MBNL2: variants seen among roughly 807,000 people sequenced by gnomAD.
The protein encoded by MBNL2 is muscleblind-like protein 2.
A neutral mutation model predicts 41.9 loss-of-function variants in MBNL2; 17 were observed. The observed-to-expected ratio is 0.41, with a 90% CI of 0.28 to 0.61. The LOEUF (loss-of-function observed/expected upper bound fraction) is 0.61. Ranked by LOEUF, MBNL2 falls within the 20% of genes least tolerant of loss-of-function variation. The probability of loss-of-function intolerance (pLI) is 0.35; values close to 1 mark genes in which losing one functional copy is unlikely to be tolerated. For synonymous variants in MBNL2, 195 were observed against 182.9 expected, an observed-to-expected ratio of 1.07 and a Z score of -0.53; for missense variants, 336 against 505.6, an observed-to-expected ratio of 0.66 and a Z score of 3.22.
chr13:97,268,507 T>G lies in MBNL2; in HGVS notation c.-604-7125T>G, dbSNP rs2050295583. ...AAGATCTGGGCATTGAGGCTCACGG[T>G]GTGCATCCCTGGGGCAGCTCCCAGC... On this transcript the variant is annotated intron_variant, in intron 1 of 8. Coordinates refer to ENST00000679496, the MANE Select transcript of MBNL2 (RefSeq NM_001382683.1). The surrounding 1 kb of genome is among the most constrained non-coding windows in gnomAD (Gnocchi z 4.6). 6.6e-6 allele frequency among the ~76,000 whole-genome samples: 1 copy of G among 152,142 alleles called. No homozygotes were observed. Among genetic ancestry groups the G allele is most frequent in the Non-Finnish European group, 1.5e-5 (1 of 68,028 alleles).
At position 97,287,924 on chromosome 13, in the gene MBNL2, TTTTTGTTTTGTTTTG is replaced by T. The variant is rs1299734801; in HGVS notation, c.174+11520_174+11534del. On this transcript the variant is annotated intron_variant, in intron 2 of 8. Transcript: ENST00000679496. Reference sequence around the variant, plus strand: ...CAGGCCCGGCTAATTTTCTGTTTTTTTTTTGTTTTGTTTTGTTTTTTTTTTTTTTAGTAGAGATGG... The same window carrying T: ...CAGGCCCGGCTAATTTTCTGTTTTTTTTTTTTTTTTTTTTAGTAGAGATGG... 3.0e-4 allele frequency among the ~76,000 whole-genome samples: 36 copies of T among 121,606 alleles called. 2 individuals are homozygous for T. The highest frequency in any genetic ancestry group is 1.1e-3 in the African/African-American group (36 of 32,462). 79.8% of individuals were successfully genotyped at this position (121,606 alleles called of 152,430 possible).
chr13:97,321,475 A>C (rs2059498844), intron 2 of MBNL2, among the ~76,000 whole-genome samples: 2 of 152,350 alleles, frequency 1.3e-5, no homozygotes, highest in African/African-American at 4.8e-5. Context: ...AAAGTCACTC[A>C]TTCTGTTTTA....
intron 8 of MBNL2, among the ~76,000 whole-genome samples, chr13:97,369,924 G>T (rs966864836): frequency 6.6e-6 from 1 of 152,070 alleles, no homozygotes; most frequent in African/African-American, 2.4e-5. Context: ...TTCAGTTAAG[G>T]TATTTGGGCC....
chr13:97,216,939 A>C (rs2040420202), upstream of MBNL2, among the ~76,000 whole-genome samples: 1 of 149,468 alleles, frequency 6.7e-6, no homozygotes. Flanking sequence ...TATAATGTAT[A>C]ATATGCATAT....
intron 2 of MBNL2, among the ~76,000 whole-genome samples, chr13:97,300,818 C>T (rs1432438722): frequency 6.6e-6 from 1 of 152,178 alleles, no homozygotes; most frequent in Non-Finnish European, 1.5e-5. Context: ...AGGAATTATA[C>T]CTGTAACTGG....
the MBNL2 span, among the ~76,000 whole-genome samples, chr13:97,187,976 C>A: frequency 6.6e-6 from 1 of 151,876 alleles, no homozygotes; most frequent in East Asian, 1.9e-4. Context: ...ATTGATGTAG[C>A]CCTTGATTTG....
chr13:97,142,885 A>C, the MBNL2 span, among the ~76,000 whole-genome samples: 1 of 152,162 alleles, frequency 6.6e-6, no homozygotes, highest in Non-Finnish European at 1.5e-5. Flanking sequence ...CCTTGAGAAA[A>C]ATCAGAGCTG....
chr13:97,186,982 C>G, the MBNL2 span, among the ~76,000 whole-genome samples: 1 of 152,220 alleles, frequency 6.6e-6, no homozygotes, highest in South Asian at 2.1e-4. Flanking sequence ...TTGTAGGGAC[C>G]CACTGGCTTC....
At chr13:97,227,852 G>A (rs1012276852) in intron 1 of MBNL2, among the ~76,000 whole-genome samples, 2 of 152,140 alleles carry the variant, frequency 1.3e-5, no homozygotes, top group African/African-American at 4.8e-5. Context: ...TGCTTTTTCA[G>A]CTCTGACTGC....
chr13:97,179,224 CTTAG>C, the MBNL2 span: 3 of 152,210 alleles, frequency 2.0e-5, no homozygotes, highest in Non-Finnish European at 4.4e-5. Context: ...TCACTGGCCA[CTTAG>C]TTATTCACCT....
At chr13:97,258,914 C>A (rs2048067300) in intron 1 of MBNL2, among the ~76,000 whole-genome samples, 1 of 152,094 alleles carries the variant, frequency 6.6e-6, no homozygotes, top group Non-Finnish European at 1.5e-5. Flanking sequence ...ATATGTTAAC[C>A]CCCCAGGCCA....
At position 97,278,920 on chromosome 13, in the gene MBNL2, G is replaced by A. The variant is rs188090852; in HGVS notation, c.174+2511G>A. 6.6e-5 allele frequency among the ~76,000 whole-genome samples: 10 copies of A among 152,256 alleles called. No individual in the cohort carries two copies. In the East Asian group the frequency reaches 1.9e-3, roughly 29 times the overall value. On this transcript the variant is annotated intron_variant, in intron 2 of 8. Coordinates refer to ENST00000679496, the MANE Select transcript of MBNL2 (RefSeq NM_001382683.1). Reference sequence around the variant, plus strand: ...ACCTGCTCAACCACTTCCCAGCCTTGGGTGTGTCATTTATGACTTCTTGAC... The same window carrying A: ...ACCTGCTCAACCACTTCCCAGCCTTAGGTGTGTCATTTATGACTTCTTGAC...
At chr13:97,150,074 A>G in the MBNL2 span, among the ~76,000 whole-genome samples, 1 of 152,190 alleles carries the variant, frequency 6.6e-6, no homozygotes, top group Admixed American at 6.5e-5. Context: ...ATTGTTGCCA[A>G]TCTCGTAACT....
At chr13:97,167,500 G>C in the MBNL2 span, among the ~76,000 whole-genome samples, 1 of 152,084 alleles carries the variant, frequency 6.6e-6, no homozygotes, top group Admixed American at 6.5e-5. Context: ...AAGAAAGCTA[G>C]AAGAAATTAA....
chr13:97,154,304 GGTTTTTT>G, the MBNL2 span, among the ~76,000 whole-genome samples: 9 of 151,904 alleles, frequency 5.9e-5, no homozygotes, highest in South Asian at 4.2e-4. Context: ...TTTACCCGTT[GGTTTTTT>G]GTTTTTTGTT....
chr13:97,191,063 T>C, the MBNL2 span, among the ~76,000 whole-genome samples: 2 of 152,132 alleles, frequency 1.3e-5, no homozygotes, highest in African/African-American at 2.4e-5. Flanking sequence ...CATACTATTG[T>C]GTAGACAACA....
intron 3 of MBNL2, among the ~76,000 whole-genome samples, chr13:97,341,723 C>G (rs2061457403): frequency 6.6e-6 from 1 of 152,192 alleles, no homozygotes; most frequent in Non-Finnish European, 1.5e-5. Context: ...ACTGCCTGCA[C>G]AAACTATCAA....
Position 97,333,255 on chromosome 13 carries a change from G to A in MBNL2, c.175-1021G>A, listed in dbSNP as rs565732904. Among the ~76,000 whole-genome samples, 3 of 152,246 alleles carry A rather than the reference G, an allele frequency of 2.0e-5. No individual in the cohort carries two copies. The South Asian group carries it at 6.2e-4, about 32-fold the overall frequency. On this transcript the variant is annotated intron_variant, in intron 2 of 8. Coordinates refer to ENST00000679496, the MANE Select transcript of MBNL2 (RefSeq NM_001382683.1). ...GTTTGCTCTTCTTTCTCCAGAAATTGTATAATTCACACATCAATGTAATTC... is the reference window on the plus strand; with the variant it reads ...GTTTGCTCTTCTTTCTCCAGAAATTATATAATTCACACATCAATGTAATTC...
the MBNL2 span, among the ~76,000 whole-genome samples, chr13:97,170,860 A>G: frequency 6.6e-6 from 1 of 152,174 alleles, no homozygotes. Flanking sequence ...TTAGCTTTAC[A>G]TAGGTGGTTA....
Sources: gnomAD v4.1 joint callset for allele counts (sites outside exome capture counted in the v4.1 genomes callset) on GRCh38, gnomAD v4.1.1 for gene constraint, Gnocchi (gnomAD v3.1) non-coding constraint, MANE v1.5 for transcripts, NCBI Gene and HGNC (gene_info 2026-07-23, HGNC 2026-07-21) for gene names.